The following FAT1 variants were observed in gnomAD, a reference collection of about 807,000 sequenced individuals.
FAT1 encodes FAT atypical cadherin 1, also known as protocadherin Fat 1.
FAT1 carries 171 observed loss-of-function variants against 329.8 expected under a neutral mutation model. The ratio of observed to expected loss-of-function variants is 0.52; its 90% CI spans 0.46 to 0.59. The LOEUF (loss-of-function observed/expected upper bound fraction) is 0.59. Among genes scored for constraint, FAT1 ranks in the 20% least tolerant of loss-of-function variants. The probability of loss-of-function intolerance (pLI) is 0.00; values close to 1 mark genes in which losing one functional copy is unlikely to be tolerated. For synonymous variants in FAT1, 2,233 were observed against 2,228.6 expected (o/e 1.00, Z -0.06); for missense variants, 5,672 against 5,774.4 (o/e 0.98, Z 0.57).
intron 9 of FAT1, among the ~76,000 whole-genome samples, chr4:186,625,557 G>C (rs1031335565): frequency 1.3e-5 from 2 of 152,050 alleles, no homozygotes; most frequent in African/African-American, 2.4e-5. Flanking sequence ...CTAATGCCTA[G>C]GAGAGACAAT....
In FAT1 at chr4:186,617,757, C is replaced by T. The variant is rs566222095; in HGVS notation, c.8829G>A (p.Thr2943=). ...QGGVIAILST[T]DADSEEINRQ... is the part of the protein sequence containing the mutation. ...TGTTGATCTCTTCAGAATCAGCATCCGTGGTACTTAAGATGGCAATCACCC... is the reference window on the plus strand; with the variant it reads ...TGTTGATCTCTTCAGAATCAGCATCTGTGGTACTTAAGATGGCAATCACCC... Residue 2943 remains threonine (T), a synonymous_variant, in exon 10 of 27, where the codon ACG becomes ACA. Coordinates refer to ENST00000441802, the MANE Select transcript of FAT1 (RefSeq NM_005245.4). The T allele has an allele frequency of 2.1e-5, 34 of 1,611,626 alleles. No homozygotes were observed. Among genetic ancestry groups the T allele is most frequent in the Middle Eastern group, 1.7e-4 (1 of 6,050 alleles).
Position 186,603,928 on chromosome 4 carries a change from A to G in FAT1, c.10598T>C (p.Ile3533Thr). The G allele has an allele frequency of 1.2e-6, 2 of 1,613,894 alleles. No homozygotes were observed. Among genetic ancestry groups the G allele is most frequent in the Non-Finnish European group, 1.7e-6 (2 of 1,179,798 alleles). Residue 3533 changes from isoleucine to threonine, a missense_variant, in exon 19 of 27, where the codon ATT becomes ACT. This residue lies in a region of FAT1 where 1,706 missense variants were observed against 1,859.1 expected (regional missense o/e 0.92). Transcript: ENST00000441802. The part of the protein sequence containing the change: ...PQLSSLTYID[I>T]RVIEESIYPP... ...ATAGATGCTCTCCTCAATTACCCTA[A>G]TGTCAATGTATGTCAAAGATGACAA...
At chr4:186,698,047 G>A (rs1744122126) in intron 2 of FAT1, among the ~76,000 whole-genome samples, 1 of 152,334 alleles carries the variant, frequency 6.6e-6, no homozygotes, top group Non-Finnish European at 1.5e-5. Flanking sequence ...GGCGTCCAGG[G>A]TGGCAGAAAA....
At chr4:186,595,016 G>A (rs1738433054) in intron 26 of FAT1, among the ~76,000 whole-genome samples, 1 of 151,882 alleles carries the variant, frequency 6.6e-6, no homozygotes, top group Non-Finnish European at 1.5e-5. Context: ...TTCTCTACTG[G>A]TATGTGTTAA....
intron 3 of FAT1, among the ~76,000 whole-genome samples, chr4:186,650,540 A>G (rs945134697): frequency 6.6e-6 from 1 of 152,190 alleles, no homozygotes; most frequent in African/African-American, 2.4e-5. Context: ...CTCAGGGTAC[A>G]ATAAGTTAAT....
intron 9 of FAT1, among the ~76,000 whole-genome samples, chr4:186,622,501 G>A (rs1243695113): frequency 3.3e-5 from 5 of 152,084 alleles, no homozygotes; most frequent in Admixed American, 6.5e-5. Context: ...ATCCTACAAC[G>A]CACAGGACAG....
chr4:186,655,160 A>C (rs1741845633), intron 3 of FAT1, among the ~76,000 whole-genome samples: 1 of 152,222 alleles, frequency 6.6e-6, no homozygotes, highest in Non-Finnish European at 1.5e-5. Context: ...TTAAGATGCA[A>C]ATATAGACAC....
upstream of FAT1, among the ~76,000 whole-genome samples, chr4:186,725,208 C>T (rs1462234540): frequency 6.6e-6 from 1 of 152,064 alleles, no homozygotes; most frequent in Non-Finnish European, 1.5e-5. The surrounding 1 kb of genome is among the most constrained non-coding windows in gnomAD (Gnocchi z 5.4). Flanking sequence ...CATGGAACAC[C>T]TCGAAAGTGG....
At position 186,595,316 on chromosome 4, in the gene FAT1, T is replaced by TGA. The variant is rs889766173; in HGVS notation, c.13138+371_13138+372dup. 8.6e-3 allele frequency among the ~76,000 whole-genome samples: 1,237 copies of TGA among 144,306 alleles called. 25 individuals are homozygous for TGA. The highest frequency in any genetic ancestry group is 0.031 in the African/African-American group (1,171 of 37,562). 94.7% of individuals were successfully genotyped at this position (144,306 alleles called of 152,430 possible). On this transcript the variant is annotated intron_variant, in intron 26 of 26. Coordinates refer to ENST00000441802, the MANE Select transcript of FAT1 (RefSeq NM_005245.4). ...GAGGGGGTGTGTGTGTGTGTGTGTGTGAGAGAGAGTGTGTGTTTGTGTGCG... is the reference window on the plus strand; with the variant it reads ...GAGGGGGTGTGTGTGTGTGTGTGTGTGAGAGAGAGAGTGTGTGTTTGTGTGCG...
rs778088009 is a variant in FAT1 at position 186,619,187 on chromosome 4, C to T, written c.7399G>A (p.Val2467Met). Residue 2467 changes from valine to methionine, a missense_variant, in exon 10 of 27, where the codon GTG becomes ATG. By Grantham distance (21) the Val-to-Met change is conservative. Coordinates refer to ENST00000441802, the MANE Select transcript of FAT1 (RefSeq NM_005245.4). ...GAACTTCTAAAAACTCCATCAGACA[C>T]TGACAGGTTAAGACTGTAAAATGGC... ...LKPFYSLNLS[V>M]SDGVFRSSTQ... The T allele has an allele frequency of 6.2e-7, 1 of 1,613,978 alleles. No homozygotes were observed.
chr4:186,619,678 A>G lies in FAT1; in HGVS notation c.6908T>C (p.Val2303Ala), dbSNP rs1739927792. 6.2e-7 allele frequency: 1 copy of G among 1,614,002 alleles called. No individual in the cohort carries two copies. The highest frequency in any genetic ancestry group is 8.5e-7 in the Non-Finnish European group (1 of 1,179,894). The change falls in exon 10 of 27, where the codon GTT (valine) becomes GCT (alanine). Residue 2303 changes from valine to alanine, a missense_variant. By Grantham distance (64) the Val-to-Ala change is moderately conservative (BLOSUM62 0). Around this residue, in one of 2 missense-constraint regions of FAT1, gnomAD observed 3,966 missense variants for 3,915.2 expected, o/e 1.01. Coordinates refer to ENST00000441802, the MANE Select transcript of FAT1 (RefSeq NM_005245.4). ...ATCAGAATCGGTGGCTCTAACTTGA[A>G]CAACAGACGTTCCAATTACAGATGC... ...SEASVIGTSV[V>A]QVRATDSDSE...
At chr4:186,684,624 A>G (rs1743378168) in intron 2 of FAT1, among the ~76,000 whole-genome samples, 1 of 151,758 alleles carries the variant, frequency 6.6e-6, no homozygotes, top group Non-Finnish European at 1.5e-5. Context: ...CATTCCTCTC[A>G]CAAGTGAATG....
intron 2 of FAT1, among the ~76,000 whole-genome samples, chr4:186,692,504 G>A (rs1007636419): frequency 6.6e-5 from 10 of 152,178 alleles, no homozygotes; most frequent in African/African-American, 2.2e-4. Flanking sequence ...AGTAGAGACG[G>A]GGTTTCACCG....
At chr4:186,625,828 C>A (rs1029030942) in intron 9 of FAT1, among the ~76,000 whole-genome samples, 4 of 152,232 alleles carry the variant, frequency 2.6e-5, no homozygotes, top group African/African-American at 9.6e-5. Flanking sequence ...CTGTTTCTAT[C>A]GGGGTGGAAC....
chr4:186,613,270 T>G lies in FAT1; in HGVS notation c.9302A>C (p.Asp3101Ala), dbSNP rs1247995077. 1 of 1,614,000 alleles carries G rather than the reference T, an allele frequency of 6.2e-7. No individual in the cohort carries two copies. The highest frequency in any genetic ancestry group is 8.5e-7 in the Non-Finnish European group (1 of 1,179,890). Residue 3101 changes from aspartate to alanine, a missense_variant, in exon 13 of 27, where the codon GAT becomes GCT. Around this residue, in one of 2 missense-constraint regions of FAT1, gnomAD observed 3,966 missense variants for 3,915.2 expected, o/e 1.01. Transcript: ENST00000441802. ...GGCTTGGCAGAATCTTCCTCCTCCATCTGTGGCCCTGACGAGAAGATGATA... is the reference window on the plus strand; with the variant it reads ...GGCTTGGCAGAATCTTCCTCCTCCAGCTGTGGCCCTGACGAGAAGATGATA... ...AVYHLLVRAT[D>A]GGGRFCQASI...
At chr4:186,718,648 C>A (rs1037042490) in intron 1 of FAT1, among the ~76,000 whole-genome samples, 1 of 152,182 alleles carries the variant, frequency 6.6e-6, no homozygotes, top group Non-Finnish European at 1.5e-5. Context: ...GCCTGGGCGA[C>A]AGAGCCAGAC....
At chr4:186,614,143 G>A in intron 12 of FAT1, 48 bp downstream of exon 12, 1 of 1,499,376 alleles carries the variant, frequency 6.7e-7, no homozygotes, top group East Asian at 2.5e-5. Flanking sequence ...CCACATATAT[G>A]ATACTGTTGG....
At chr4:186,631,512 C>A (rs1740590817) in intron 7 of FAT1, among the ~76,000 whole-genome samples, 1 of 151,246 alleles carries the variant, frequency 6.6e-6, no homozygotes. Flanking sequence ...CCAGCTGATT[C>A]CTGTGCTCTT....
chr4:186,620,608 G>T lies in FAT1; in HGVS notation c.5978C>A (p.Thr1993Asn), dbSNP rs2126517293. The T allele has an allele frequency of 6.2e-7, 1 of 1,613,994 alleles. No homozygotes were observed. The highest frequency in any genetic ancestry group is 8.5e-7 in the Non-Finnish European group (1 of 1,179,896). The change falls in exon 10 of 27, where the codon ACC (threonine) becomes AAC (asparagine). Residue 1993 changes from threonine to asparagine, a missense_variant. Physicochemically the swap from Thr to Asn is moderately conservative, Grantham distance 65. This residue lies in a region of FAT1 where 3,966 missense variants were observed against 3,915.2 expected (regional missense o/e 1.01). Transcript: ENST00000441802. The stretch of plus-strand genomic sequence containing the variant: ...AATGACAGCTAATGTTTCGGCCTCG[G>T]TGGAATTCTCTTTCACTACCGCAGA... ...VYSAVVKENSTEAETLAVITA... is the reference protein window; with the variant it reads ...VYSAVVKENSNEAETLAVITA...
Sources: allele counts gnomAD v4.1 joint callset (sites outside exome capture counted in the v4.1 genomes callset), GRCh38; gene constraint gnomAD v4.1.1; regional missense constraint gnomAD v4.1.1; non-coding constraint Gnocchi (gnomAD v3.1); transcripts MANE v1.5; gene names NCBI Gene and HGNC (gene_info 2026-07-23, HGNC 2026-07-21).